The following CLIC5 variants were observed in gnomAD, a reference collection of about 807,000 sequenced individuals.
CLIC5 encodes the protein CLIC family member 5.
In CLIC5, 20 loss-of-function variants were observed where a neutral mutation model predicts 24.7. The ratio of observed to expected loss-of-function variants is 0.81; its 90% CI spans 0.57 to 1.18. The LOEUF is 1.18. CLIC5 is among the 50% of genes most tolerant of loss of function. CLIC5 has a pLI of 0.00. For synonymous variants in CLIC5, 159 were observed against 135.6 expected (o/e 1.17, Z -1.20); for missense variants, 341 against 326.1 (o/e 1.05, Z -0.35).
In CLIC5 at chr6:45,913,822, A is replaced by G. The variant is rs1762909160; in HGVS notation, c.588+406T>C. 1.6e-5 allele frequency: 20 copies of G among 1,231,334 alleles called. No individual in the cohort carries two copies. The South Asian group carries it at 4.5e-4, about 28-fold the overall frequency. 76.3% of individuals were successfully genotyped at this position (1,231,334 alleles called of 1,614,324 possible). The stretch of plus-strand genomic sequence containing the variant: ...AAGTGAGAAGGTGGGTCTGTGCACA[A>G]AGAAAAAATGCATATGAGGGCACAT... On this transcript the variant is annotated intron_variant, in intron 5 of 5. Transcript: ENST00000339561.
chr6:45,925,876 T>C (rs1458666644), intron 4 of CLIC5, among the ~76,000 whole-genome samples: 1 of 152,006 alleles, frequency 6.6e-6, no homozygotes, highest in Non-Finnish European at 1.5e-5. Context: ...TCCCACAGAG[T>C]CCCAGCCACT....
intron 1 of CLIC5, among the ~76,000 whole-genome samples, chr6:45,958,449 T>TACACACACACACACACACACACAC (rs1561964569): frequency 1.7e-4 from 4 of 24,238 alleles, no homozygotes; most frequent in Non-Finnish European, 4.5e-4. Flanking sequence ...TATATATATA[T>TACACACACACACACACACACACAC]ATATATATAT....
intron 1 of CLIC5, among the ~76,000 whole-genome samples, chr6:45,971,227 G>A (rs1451501417): frequency 2.6e-5 from 4 of 152,196 alleles, no homozygotes; most frequent in African/African-American, 9.6e-5. Context: ...TATAGAATAT[G>A]TGAAAATGCA....
rs571921068 is a variant in CLIC5, at chr6:45,954,765, C to G, written c.173+370G>C. 3.9e-5 allele frequency among the ~76,000 whole-genome samples: 6 copies of G among 152,356 alleles called. No individual in the cohort carries two copies. The South Asian group carries it at 1.2e-3, about 32-fold the overall frequency. ...TCACAACTCTCTGAAGACTCAGACT[C>G]TCACACCTGAAGTCCTGCTAGGGTC... On this transcript the variant is annotated intron_variant, in intron 2 of 5. Coordinates refer to ENST00000339561, the MANE Select transcript of CLIC5 (RefSeq NM_016929.5).
intron 1 of CLIC5, among the ~76,000 whole-genome samples, chr6:45,986,446 T>C (rs1765741137): frequency 6.6e-6 from 1 of 152,196 alleles, no homozygotes; most frequent in African/African-American, 2.4e-5. Flanking sequence ...TTCATTCTGA[T>C]GAAAGGACAT....
chr6:45,898,300 A>T (rs1762426651), downstream of CLIC5, among the ~76,000 whole-genome samples: 1 of 152,194 alleles, frequency 6.6e-6, no homozygotes, highest in East Asian at 1.9e-4. Flanking sequence ...AAAATTATCC[A>T]GGCATGCTTT....
chr6:45,967,489 AAG>A (rs1765054481), intron 1 of CLIC5, among the ~76,000 whole-genome samples: 1 of 152,186 alleles, frequency 6.6e-6, no homozygotes, highest in Non-Finnish European at 1.5e-5. Context: ...CCTCAAAGGT[AAG>A]AGAGTTTATT....
chr6:46,094,823 A>G, the CLIC5 span, among the ~76,000 whole-genome samples: 1 of 152,202 alleles, frequency 6.6e-6, no homozygotes, highest in Non-Finnish European at 1.5e-5. Flanking sequence ...CAGTACCCCA[A>G]TAAGGACTCT....
chr6:46,115,135 T>C, the CLIC5 span, among the ~76,000 whole-genome samples: 10 of 152,150 alleles, frequency 6.6e-5, no homozygotes, highest in African/African-American at 2.4e-4. Flanking sequence ...AGGAGGATAG[T>C]TGGAAACCAT....
the CLIC5 span, among the ~76,000 whole-genome samples, chr6:46,120,158 G>T: frequency 6.6e-6 from 1 of 152,246 alleles, no homozygotes; most frequent in Non-Finnish European, 1.5e-5. Flanking sequence ...TGATGCCTGA[G>T]TAGGCTATCA....
intron 1 of CLIC5, among the ~76,000 whole-genome samples, chr6:46,078,804 A>G (rs919309925): frequency 2.0e-5 from 3 of 152,210 alleles, no homozygotes; most frequent in Admixed American, 6.5e-5. Flanking sequence ...TTACAAGACA[A>G]CAAAGGGCAA....
chr6:45,986,182 G>A (rs1765729762), intron 1 of CLIC5, among the ~76,000 whole-genome samples: 1 of 152,176 alleles, frequency 6.6e-6, no homozygotes, highest in Admixed American at 6.5e-5. Flanking sequence ...TTAGCAGCAT[G>A]AGAACAGACT....
chr6:45,903,185 T>C lies in CLIC5; in HGVS notation c.659A>G (p.Asn220Ser). 2 of 1,613,578 alleles carry C rather than the reference T, an allele frequency of 1.2e-6. No individual in the cohort carries two copies. The highest frequency in any genetic ancestry group is 1.7e-6 in the Non-Finnish European group (2 of 1,179,818). ...EMTGLWRYLK[N>S]AYARDEFTNT... ...GGTGAACTCATCACGGGCATAGGCG[T>C]TCTTGAGGTACCGCCACAGGCCTGT... The change falls in exon 6 of 6, where the codon AAC becomes AGC. Residue 220 changes from asparagine to serine, a missense_variant. Asn to Ser is a conservative substitution (Grantham distance 46). Coordinates refer to ENST00000339561, the MANE Select transcript of CLIC5 (RefSeq NM_016929.5).
intron 1 of CLIC5, among the ~76,000 whole-genome samples, chr6:46,065,759 G>T (rs1003051072): frequency 2.6e-5 from 4 of 152,156 alleles, no homozygotes; most frequent in African/African-American, 9.7e-5. Context: ...GAGGTGTCTG[G>T]GAAGGGACTC....
intron 1 of CLIC5, chr6:46,079,658 T>C (rs1231981754): frequency 2.0e-6 from 3 of 1,472,912 alleles, no homozygotes; most frequent in Non-Finnish European, 2.8e-6. Context: ...ACACCAGCCA[T>C]AATATCTGCA....
At chr6:45,934,912 C>A (rs771749673) in intron 4 of CLIC5, among the ~76,000 whole-genome samples, 54 of 152,112 alleles carry the variant, frequency 3.6e-4, no homozygotes, top group Admixed American at 1.3e-4. Flanking sequence ...ATTCAAGATG[C>A]ACATTAGATC....
intron 1 of CLIC5, among the ~76,000 whole-genome samples, chr6:46,076,699 C>T (rs1762780294): frequency 6.6e-6 from 1 of 152,136 alleles, no homozygotes; most frequent in African/African-American, 2.4e-5. Context: ...TCTTTTAATC[C>T]ACTAAGTTTT....
At chr6:46,016,221 G>T (rs1767005369), upstream of CLIC5, among the ~76,000 whole-genome samples, 1 of 150,948 alleles carries the variant, frequency 6.6e-6, no homozygotes, top group Non-Finnish European at 1.5e-5. Context: ...GAAGGGGAAA[G>T]GGGAAGGGGA....
At chr6:45,938,917 G>A (rs569703286) in intron 4 of CLIC5, among the ~76,000 whole-genome samples, 25 of 152,148 alleles carry the variant, frequency 1.6e-4, no homozygotes, top group African/African-American at 5.5e-4. Context: ...GGGTCTTCTC[G>A]TTTGGTTCTC....
Sources: gnomAD v4.1 joint callset for allele counts (sites outside exome capture counted in the v4.1 genomes callset) on GRCh38, gnomAD v4.1.1 for gene constraint, MANE v1.5 for transcripts, NCBI Gene and HGNC (gene_info 2026-07-23, HGNC 2026-07-21) for gene names.